Variants in TENM2 observed in about 807,000 individuals in gnomAD.
The protein encoded by TENM2 is teneurin-2.
In TENM2, 52 loss-of-function variants were observed where a neutral mutation model predicts 245.2. That is an observed-to-expected ratio of 0.21 (90% CI 0.17 to 0.27). The LOEUF is 0.27. Ranked by LOEUF, TENM2 falls within the 10% of genes least tolerant of loss-of-function variation. TENM2 has a pLI of 1.00. For missense variants in TENM2, 3,046 were observed against 3,666.8 expected, an observed-to-expected ratio of 0.83 and a Z score of 4.37; for synonymous variants, 1,363 against 1,438.9, an observed-to-expected ratio of 0.95 and a Z score of 1.19.
chr5:167,035,258 T>G, the TENM2 span, among the ~76,000 whole-genome samples: 1 of 152,156 alleles, frequency 6.6e-6, no homozygotes, highest in African/African-American at 2.4e-5. Flanking sequence ...AGCAACCACA[T>G]GGTAGTTAAC....
At chr5:167,481,459 A>G (rs1767753381) in intron 2 of TENM2, among the ~76,000 whole-genome samples, 1 of 152,254 alleles carries the variant, frequency 6.6e-6, no homozygotes, top group Admixed American at 6.5e-5. Flanking sequence ...TTATTGGCAC[A>G]CATCCACGCC....
Position 167,672,628 on chromosome 5 carries a change from T to A in TENM2, c.503-203358T>A, listed in dbSNP as rs566141974. Among the ~76,000 whole-genome samples, 5 of 152,264 alleles carry A rather than the reference T, an allele frequency of 3.3e-5. No individual in the cohort carries two copies. In the South Asian group the frequency reaches 6.2e-4, roughly 19 times the overall value. ...CTGAAGAAGGTTTGGCATTGCAATA[T>A]ATTCCACTGGTTATTTAAAATAGAT... On this transcript the variant is annotated intron_variant, in intron 2 of 28. Transcript: ENST00000518659.
intron 2 of TENM2, among the ~76,000 whole-genome samples, chr5:167,609,519 C>CAAAAAAAAAAAAA (rs1171421408): frequency 7.8e-6 from 1 of 128,986 alleles, no homozygotes; most frequent in African/African-American, 3.1e-5. Flanking sequence ...AAAACAAAAC[C>CAAAAAAAAAAAAA]TTACCTAGAA....
At chr5:167,080,303 G>T in the TENM2 span, among the ~76,000 whole-genome samples, 2 of 151,764 alleles carry the variant, frequency 1.3e-5, no homozygotes, top group African/African-American at 2.4e-5. Context: ...TGTTGGTGAC[G>T]GTGTGGTATG....
intron 3 of TENM2, among the ~76,000 whole-genome samples, chr5:167,913,785 C>T (rs1002244577): frequency 2.0e-5 from 3 of 152,178 alleles, no homozygotes; most frequent in South Asian, 2.1e-4. Context: ...CCATTTCTGT[C>T]GATTCCTGTC....
At chr5:167,484,860 A>C (rs1767966162) in intron 2 of TENM2, among the ~76,000 whole-genome samples, 1 of 152,208 alleles carries the variant, frequency 6.6e-6, no homozygotes, top group African/African-American at 2.4e-5. Flanking sequence ...TTAAGATGGG[A>C]GATAGGAAAG....
Position 168,188,738 on chromosome 5 carries a change from C to T in TENM2, c.2570-1599C>T, listed in dbSNP as rs1022374169. Among the ~76,000 whole-genome samples, 4 of 152,284 alleles carry T rather than the reference C, an allele frequency of 2.6e-5. No homozygotes were observed. The East Asian group carries it at 5.8e-4, about 22-fold the overall frequency. On this transcript the variant is annotated intron_variant, in intron 13 of 28. Coordinates refer to ENST00000518659, the Ensembl canonical transcript of TENM2. ...AAATCGTATTGTGTGTTAGAATCAC[C>T]TGAGAATCATGTTTAAAATGCAGAT...
intron 3 of TENM2, among the ~76,000 whole-genome samples, chr5:167,940,413 T>A (rs1169216088): frequency 1.3e-5 from 2 of 152,128 alleles, no homozygotes; most frequent in Non-Finnish European, 2.9e-5. Context: ...ATGAGTTTTT[T>A]AAAAAATGGG....
At position 167,549,669 on chromosome 5, in the gene TENM2, A is replaced by T. The variant is rs557308302; in HGVS notation, c.502+174196A>T. Among the ~76,000 whole-genome samples the T allele has an allele frequency of 1.5e-4, 23 of 152,284 alleles. No individual in the cohort carries two copies. The East Asian group carries it at 3.9e-3, about 26-fold the overall frequency. ...TTTGATGTATCTGTACCATAGATTT[A>T]AAAAAAGAACTCTACCTGTTACCAC... is the stretch of plus-strand genomic sequence containing the variant. On this transcript the variant is annotated intron_variant, in intron 2 of 28. Transcript: ENST00000518659.
the TENM2 span, among the ~76,000 whole-genome samples, chr5:167,083,749 A>G: frequency 1.3e-5 from 2 of 152,174 alleles, no homozygotes; most frequent in South Asian, 4.1e-4. Flanking sequence ...CCTTGAAGGA[A>G]CAAATCAGTT....
chr5:167,129,326 G>A, the TENM2 span, among the ~76,000 whole-genome samples: 1 of 152,116 alleles, frequency 6.6e-6, no homozygotes, highest in South Asian at 2.1e-4. Context: ...TTTCCAAAAC[G>A]ACTCCCAGAA....
At chr5:167,237,394 C>A in the TENM2 span, among the ~76,000 whole-genome samples, 2 of 152,214 alleles carry the variant, frequency 1.3e-5, no homozygotes, top group African/African-American at 4.8e-5. Context: ...TGGCCACATT[C>A]AATCACTCCT....
At chr5:168,209,868 G>T (rs1194660085) in intron 19 of TENM2, among the ~76,000 whole-genome samples, 1 of 152,132 alleles carries the variant, frequency 6.6e-6, no homozygotes, top group African/African-American at 2.4e-5. Flanking sequence ...AGGGGGACAG[G>T]CACACAAACA....
chr5:167,496,552 G>T (rs917258443), intron 2 of TENM2, among the ~76,000 whole-genome samples: 3 of 152,044 alleles, frequency 2.0e-5, no homozygotes, highest in African/African-American at 7.2e-5. Flanking sequence ...TTTTAGAAGG[G>T]TATCCACTTT....
At chr5:167,806,500 G>A (rs1351106030) in intron 2 of TENM2, among the ~76,000 whole-genome samples, 4 of 152,074 alleles carry the variant, frequency 2.6e-5, no homozygotes, top group African/African-American at 4.8e-5. Flanking sequence ...CTTCTCTCCC[G>A]TGTTACCTTC....
chr5:167,700,852 T>C (rs1758092174), intron 2 of TENM2, among the ~76,000 whole-genome samples: 1 of 151,586 alleles, frequency 6.6e-6, no homozygotes, highest in East Asian at 1.9e-4. Flanking sequence ...TTCAGTACCA[T>C]TATCCTTCCT....
intron 2 of TENM2, among the ~76,000 whole-genome samples, chr5:167,646,156 CAT>C (rs70976441): frequency 0.48 from 45,585 of 95,382 alleles, 13,054 homozygotes; most frequent in Non-Finnish European, 0.65. Flanking sequence ...ATGTTGTTTT[CAT>C]ATATATATAT....
chr5:167,883,177 C>G (rs1774013506), intron 3 of TENM2, among the ~76,000 whole-genome samples: 1 of 152,302 alleles, frequency 6.6e-6, no homozygotes, highest in East Asian at 1.9e-4. Context: ...GAAAGTACAG[C>G]TCCACCAACA....
chr5:167,057,282 A>G, the TENM2 span, among the ~76,000 whole-genome samples: 1 of 152,264 alleles, frequency 6.6e-6, no homozygotes, highest in South Asian at 2.1e-4. Context: ...ATTAATGGTC[A>G]TTTAAAAAAC....
Sources: allele counts gnomAD v4.1 joint callset (sites outside exome capture counted in the v4.1 genomes callset), GRCh38; gene constraint gnomAD v4.1.1; transcripts MANE v1.5; gene names NCBI Gene and HGNC (gene_info 2026-07-23, HGNC 2026-07-21).